Variants in INSL6 observed in about 807,000 individuals in gnomAD.
INSL6 encodes insulin-like peptide INSL6.
Under a neutral mutation model 9.4 loss-of-function variants are expected in INSL6, and 16 were observed. The ratio of observed to expected loss-of-function variants is 1.70; its 90% CI spans 1.15 to 2.59. INSL6 has a LOEUF of 2.59. Ranked by LOEUF, INSL6 falls within the 30% of genes most tolerant of loss-of-function variation. The probability of loss-of-function intolerance (pLI) is 0.00; values close to 1 mark genes in which losing one functional copy is unlikely to be tolerated. For synonymous variants in INSL6, 154 were observed against 96.9 expected (o/e 1.59, Z -3.46); for missense variants, 391 against 257.3 (o/e 1.52, Z -3.56).
rs760910530 is a variant in INSL6, at chr9:5,185,348, G to A, written c.255C>T (p.Thr85=). The A allele has an allele frequency of 3.1e-6, 5 of 1,614,108 alleles. No individual in the cohort carries two copies. Among genetic ancestry groups the A allele is most frequent in the South Asian group, 1.1e-5 (1 of 91,066 alleles). Residue 85 remains threonine (T), a synonymous_variant, in exon 1 of 2, where the codon ACC becomes ACT. Transcript: ENST00000381641. ...TGCCTCTTCCCCGGGCCGGGGAAGC[G>A]GTTTGCGGGCTTTCGAACTGGTATG... is the stretch of plus-strand genomic sequence containing the variant. ...YSPYQFESPQ[T]ASPARGRGTN...
chr9:5,083,913 T>C, the INSL6 span, among the ~76,000 whole-genome samples: 1 of 152,180 alleles, frequency 6.6e-6, no homozygotes, highest in Non-Finnish European at 1.5e-5. Context: ...AACCATTCTA[T>C]ATATACAATT....
At chr9:5,068,153 G>A in the INSL6 span, among the ~76,000 whole-genome samples, 16 of 137,712 alleles carry the variant, frequency 1.2e-4, no homozygotes, top group Non-Finnish European at 2.1e-4. Flanking sequence ...AGCGAGACAC[G>A]GTCTCAAAAA....
chr9:5,161,878 G>A (rs146294151), downstream of INSL6, among the ~76,000 whole-genome samples: 83 of 152,066 alleles, frequency 5.5e-4, no homozygotes, highest in African/African-American at 8.0e-4. Context: ...CCAGGAGCCC[G>A]GAGACCAGCC....
chr9:5,095,768 C>G, the INSL6 span, among the ~76,000 whole-genome samples: 1 of 152,144 alleles, frequency 6.6e-6, no homozygotes, highest in Non-Finnish European at 1.5e-5. Context: ...TTAACCTACT[C>G]CTCAATTACT....
chr9:5,040,273 A>G, the INSL6 span, among the ~76,000 whole-genome samples: 3 of 151,338 alleles, frequency 2.0e-5, no homozygotes, highest in Admixed American at 6.6e-5. Flanking sequence ...AAGTAAGACA[A>G]TCTACTTCAC....
chr9:5,128,594 A>T (rs1824153623), intron 3 of INSL6, among the ~76,000 whole-genome samples: 1 of 151,932 alleles, frequency 6.6e-6, no homozygotes, highest in African/African-American at 2.4e-5. Context: ...ATGTGAACTA[A>T]CTTTTCTTAA....
intron 2 of INSL6, among the ~76,000 whole-genome samples, chr9:5,138,480 G>A (rs1320229293): frequency 6.6e-6 from 1 of 152,094 alleles, no homozygotes; most frequent in African/African-American, 2.4e-5. Context: ...ACTAACACAA[G>A]AACAGAAAAC....
chr9:5,087,350 C>T, the INSL6 span, among the ~76,000 whole-genome samples: 1 of 152,192 alleles, frequency 6.6e-6, no homozygotes, highest in Non-Finnish European at 1.5e-5. Flanking sequence ...ATCACGAGAA[C>T]AGCATGGAGG....
intron 3 of INSL6, among the ~76,000 whole-genome samples, chr9:5,131,454 T>TTTTTTTTTTTTTTTTTTTTTTGA (rs1824282070): frequency 6.7e-6 from 1 of 148,676 alleles, no homozygotes; most frequent in Admixed American, 6.6e-5. Flanking sequence ...TTTTTTTTTT[T>TTTTTTTTTTTTTTTTTTTTTTGA]GAGACAGAGT....
At chr9:5,144,948 T>C (rs1824572523) in intron 2 of INSL6, among the ~76,000 whole-genome samples, 1 of 152,116 alleles carries the variant, frequency 6.6e-6, no homozygotes, top group Non-Finnish European at 1.5e-5. Context: ...TTTGGGGGCA[T>C]TTAGCCCATT....
Position 5,169,367 on chromosome 9 carries a change from G to A in INSL6, c.290-5102C>T, listed in dbSNP as rs1586874047. On this transcript the variant is annotated intron_variant, in intron 1 of 1. Coordinates refer to ENST00000381641, the MANE Select transcript of INSL6 (RefSeq NM_007179.3). ...CCAGACCTGCCTTGCAAGAGCTCCT[G>A]AAGGAAGCAGTAAATATGGAAAGGA... Among the ~76,000 whole-genome samples the A allele has an allele frequency of 4.6e-5, 7 of 152,326 alleles. No homozygotes were observed. The South Asian group carries it at 1.5e-3, about 32-fold the overall frequency.
chr9:5,017,889 T>G, the INSL6 span, among the ~76,000 whole-genome samples: 1,721 of 152,314 alleles, frequency 0.011, 33 homozygotes, highest in African/African-American at 0.037. Flanking sequence ...TAGAATTACC[T>G]TGTCTCTTTA....
the INSL6 span, chr9:5,022,318 C>G: frequency 8.9e-6 from 6 of 674,618 alleles, no homozygotes; most frequent in Non-Finnish European, 1.2e-5. Context: ...TTTTTTAATG[C>G]TTGTATGGCT....
At chr9:5,148,459 T>C (rs1824645639) in intron 2 of INSL6, among the ~76,000 whole-genome samples, 1 of 152,094 alleles carries the variant, frequency 6.6e-6, no homozygotes, top group Admixed American at 6.5e-5. Flanking sequence ...GGGGGAGCCA[T>C]CTCTGATCAC....
At chr9:5,027,071 T>C in the INSL6 span, among the ~76,000 whole-genome samples, 1 of 152,250 alleles carries the variant, frequency 6.6e-6, no homozygotes, top group Non-Finnish European at 1.5e-5. Context: ...CATGGATTTT[T>C]ATTATACCTC....
At chr9:5,062,587 A>G in the INSL6 span, among the ~76,000 whole-genome samples, 3 of 149,170 alleles carry the variant, frequency 2.0e-5, no homozygotes, top group South Asian at 2.2e-4. Flanking sequence ...ATGTGTCTGT[A>G]TATCAATAAG....
chr9:5,129,961 G>A lies in INSL6; in HGVS notation c.*10+3464C>T, dbSNP rs149760661. Among the ~76,000 whole-genome samples the A allele has an allele frequency of 1.4e-3, 220 of 152,138 alleles. 2 individuals are homozygous for A. The highest frequency in any genetic ancestry group is 4.8e-3 in the African/African-American group (199 of 41,528). On this transcript the variant is annotated intron_variant, in intron 3 of 3. Transcript: ENST00000649639. ...TTAGGTTAAAAAATTAATTTCAGTT[G>A]TGTTTATGCCAGATGGCATTGCTTA...
Position 5,164,087 on chromosome 9 carries a change from T to A in INSL6, c.468A>T (p.Lys156Asn), listed in dbSNP as rs1167310866. ...KFQKKRRNKIKTLSNLFWGHH... is the reference protein window; with the variant it reads ...KFQKKRRNKINTLSNLFWGHH... ...GCCCCCAAAACAAATTGCTTAAGGT[T>A]TTAATTTTGTTTCTACGTTTCTTCT... Residue 156 changes from lysine (K) to asparagine (N), a missense_variant, in exon 2 of 2, where the codon AAA becomes AAT. Coordinates refer to ENST00000381641, the MANE Select transcript of INSL6 (RefSeq NM_007179.3). 3.1e-6 allele frequency: 5 copies of A among 1,613,332 alleles called. No individual in the cohort carries two copies. The Admixed American group carries it at 8.3e-5, about 27-fold the overall frequency.
chr9:5,120,661 C>T (rs1368999646), downstream of INSL6, among the ~76,000 whole-genome samples: 1 of 152,120 alleles, frequency 6.6e-6, no homozygotes, highest in Admixed American at 6.6e-5. Flanking sequence ...CATTATTCTT[C>T]ACCTTGTGTG....
Sources: gnomAD v4.1 joint callset for allele counts (sites outside exome capture counted in the v4.1 genomes callset) on GRCh38, gnomAD v4.1.1 for gene constraint, MANE v1.5 for transcripts, NCBI Gene and HGNC (gene_info 2026-07-23, HGNC 2026-07-21) for gene names.